The following NF2 variants were observed in gnomAD, a reference collection of about 807,000 sequenced individuals.
NF2 encodes merlin.
In NF2, 8 loss-of-function variants were observed where a neutral mutation model predicts 83.7. The observed-to-expected ratio is 0.10, with a 90% CI of 0.06 to 0.17. The LOEUF is 0.17. NF2 is among the 10% of genes least tolerant of loss of function. NF2 has a pLI of 1.00. For synonymous variants in NF2, 266 were observed against 269.6 expected, an observed-to-expected ratio of 0.99 and a Z score of 0.13; for missense variants, 533 against 744.4, an observed-to-expected ratio of 0.72 and a Z score of 3.31.
chr22:29,678,109 G>A, intron 13 of NF2, 87 bp from the exon 14 acceptor site: 1 of 1,585,794 alleles, frequency 6.3e-7, no homozygotes, highest in Non-Finnish European at 8.6e-7. Context: ...TTGCCTCTGT[G>A]GCTGCTGGAG....
At chr22:29,660,324 T>C (rs1408985270) in intron 7 of NF2, among the ~76,000 whole-genome samples, 1 of 152,202 alleles carries the variant, frequency 6.6e-6, no homozygotes, top group Admixed American at 6.5e-5. Flanking sequence ...CTTTTTGATA[T>C]GTATTTCCCA....
At chr22:29,670,503 TTGTGTGTGTG>T (rs131255) in intron 10 of NF2, among the ~76,000 whole-genome samples, 10 of 146,442 alleles carry the variant, frequency 6.8e-5, no homozygotes, top group Non-Finnish European at 1.3e-4. Flanking sequence ...CTTTTTGAGC[TTGTGTGTGTG>T]TGTGTGTGTG....
chr22:29,618,675 A>G (rs1187541807), intron 1 of NF2, among the ~76,000 whole-genome samples: 1 of 152,266 alleles, frequency 6.6e-6, no homozygotes, highest in African/African-American at 2.4e-5. Context: ...AAAGCCAAAT[A>G]GGAAGTTGTA....
chr22:29,614,616 G>A (rs962605931), intron 1 of NF2, among the ~76,000 whole-genome samples: 8 of 151,860 alleles, frequency 5.3e-5, no homozygotes, highest in Middle Eastern at 3.4e-3. Context: ...GCATGGTGGC[G>A]GGCACCTGTA....
chr22:29,605,037 G>C (rs993496593), intron 1 of NF2, among the ~76,000 whole-genome samples: 1 of 152,150 alleles, frequency 6.6e-6, no homozygotes, highest in Non-Finnish European at 1.5e-5. Context: ...CTGGCATGCA[G>C]TAGTGTGATC....
intron 1 of NF2, among the ~76,000 whole-genome samples, chr22:29,607,249 A>C (rs556157734): frequency 6.6e-6 from 1 of 152,344 alleles, no homozygotes; most frequent in South Asian, 2.1e-4. Context: ...AAACAGCCAC[A>C]ATTTGATTGT....
chr22:29,603,926 C>A lies in NF2; in HGVS notation c.-73C>A. The A allele has an allele frequency of 1.6e-6, 2 of 1,216,024 alleles. No homozygotes were observed. The highest frequency in any genetic ancestry group is 2.3e-6 in the Non-Finnish European group (2 of 854,396). 75.3% of individuals were successfully genotyped at this position (1,216,024 alleles called of 1,614,324 possible). A position where few individuals can be genotyped will look rare whatever the true frequency, so the allele number is the denominator to read the frequency against. The stretch of plus-strand genomic sequence containing the variant: ...CATGGTGGCCCTGAGGCCTGTGCAG[C>A]AACTCCAGGGGGGCTAAAGGGCTCA... On this transcript the variant is annotated 5_prime_UTR_variant, in exon 1 of 16. Coordinates refer to ENST00000338641, the MANE Select transcript of NF2 (RefSeq NM_000268.4).
At chr22:29,612,020 T>A (rs532661169) in intron 1 of NF2, among the ~76,000 whole-genome samples, 47 of 152,362 alleles carry the variant, frequency 3.1e-4, no homozygotes, top group African/African-American at 1.1e-3. Context: ...TAAATTAATT[T>A]TTTTTGAAAC....
chr22:29,675,814 G>GACACACACAGCACGGAC (rs3838153), intron 13 of NF2, among the ~76,000 whole-genome samples: 2 of 151,866 alleles, frequency 1.3e-5, no homozygotes, highest in African/African-American at 2.4e-5. Flanking sequence ...ACACAGCACG[G>GACACACACAGCACGGAC]ACACACACGC....
intron 8 of NF2, 79 bp from the exon 9 acceptor site, chr22:29,664,911 T>G: frequency 2.0e-6 from 2 of 997,144 alleles, no homozygotes; most frequent in East Asian, 5.0e-5. Flanking sequence ...CCAGTGTGGT[T>G]GCGCATTTGT....
Position 29,695,634 on chromosome 22 carries a change from A to G in NF2, c.*832A>G, listed in dbSNP as rs186559222. ...GCTCCTTCCTGTGTGGGGCTGGGGT[A>G]CTCCCTGGTCGTACTGCAGTCAGCA... On this transcript the variant is annotated 3_prime_UTR_variant, in exon 16 of 16. Coordinates refer to ENST00000338641, the MANE Select transcript of NF2 (RefSeq NM_000268.4). This position sits in a 1 kb window ranked among gnomAD's most constrained non-coding sequence, Gnocchi z 5.4. 20 of 233,712 alleles carry G rather than the reference A, an allele frequency of 8.6e-5. No homozygotes were observed. The East Asian group carries it at 1.2e-3, about 14-fold the overall frequency. 14.5% of individuals were successfully genotyped at this position (233,712 alleles called of 1,614,324 possible).
chr22:29,646,343 C>T (rs1457214578), intron 4 of NF2, among the ~76,000 whole-genome samples: 5 of 152,182 alleles, frequency 3.3e-5, no homozygotes, highest in Admixed American at 1.3e-4. Context: ...TCCAGGCTGC[C>T]TAAGTTAGCA....
intron 9 of NF2, 149 bp downstream of exon 9, chr22:29,665,213 A>C: frequency 1.4e-6 from 1 of 707,338 alleles, no homozygotes; most frequent in Non-Finnish European, 2.4e-6. Flanking sequence ...TAAAGAGTTA[A>C]AACTAAATTA....
At chr22:29,686,967 C>T (rs554512444) in intron 15 of NF2, among the ~76,000 whole-genome samples, 18 of 152,258 alleles carry the variant, frequency 1.2e-4, no homozygotes, top group South Asian at 2.1e-4. Flanking sequence ...GCCTGGCTTT[C>T]GTGCCTTCAG....
At chr22:29,638,044 G>A (rs542936616) in intron 2 of NF2, among the ~76,000 whole-genome samples, 35 of 152,222 alleles carry the variant, frequency 2.3e-4, no homozygotes, top group Admixed American at 3.3e-4. Flanking sequence ...ATCAGGAGCC[G>A]TGGAACTTGC....
At chr22:29,676,079 C>G (rs1210538290) in intron 13 of NF2, among the ~76,000 whole-genome samples, 1 of 152,176 alleles carries the variant, frequency 6.6e-6, no homozygotes, top group Non-Finnish European at 1.5e-5. Flanking sequence ...CTGGTGGTCA[C>G]AGTCAGATGG....
At chr22:29,611,001 C>G (rs1377865502) in intron 1 of NF2, among the ~76,000 whole-genome samples, 1 of 152,054 alleles carries the variant, frequency 6.6e-6, no homozygotes, top group Non-Finnish European at 1.5e-5. Context: ...TCCAGGAGTG[C>G]AAGGTTGGTT....
chr22:29,608,128 G>C (rs1357777193), intron 1 of NF2, among the ~76,000 whole-genome samples: 1 of 110,930 alleles, frequency 9.0e-6, no homozygotes, highest in Non-Finnish European at 1.7e-5. Context: ...AGCCAAGATC[G>C]AGCCACTGCA....
At chr22:29,644,474 C>T (rs1176660548) in intron 4 of NF2, among the ~76,000 whole-genome samples, 14 of 138,472 alleles carry the variant, frequency 1.0e-4, no homozygotes, top group African/African-American at 3.6e-4. Flanking sequence ...ACATCCCAGA[C>T]GATGGGCGGC....
Sources: gnomAD v4.1 joint callset for allele counts (sites outside exome capture counted in the v4.1 genomes callset) on GRCh38, gnomAD v4.1.1 for gene constraint, Gnocchi (gnomAD v3.1) non-coding constraint, MANE v1.5 for transcripts, NCBI Gene and HGNC (gene_info 2026-07-23, HGNC 2026-07-21) for gene names.